CHN2: variants seen among roughly 807,000 people sequenced by gnomAD.
CHN2 encodes chimerin 2.
A neutral mutation model predicts 56.3 loss-of-function variants in CHN2; 35 were observed. That is an observed-to-expected ratio of 0.62 (90% CI 0.47 to 0.82). CHN2 has a LOEUF of 0.82. Among genes scored for constraint, CHN2 ranks in the 40% least tolerant of loss-of-function variants. The pLI, the probability that CHN2 is intolerant of heterozygous loss-of-function variation, is 0.00. For missense variants in CHN2, 491 were observed against 580.5 expected, an observed-to-expected ratio of 0.85 and a Z score of 1.58; for synonymous variants, 210 against 212.8, an observed-to-expected ratio of 0.99 and a Z score of 0.12.
intron 2 of CHN2, among the ~76,000 whole-genome samples, chr7:29,155,839 G>A (rs10256795): frequency 0.34 from 50,977 of 151,832 alleles, 8,802 homozygotes; most frequent in Non-Finnish European, 0.38. Flanking sequence ...CTGGAAAGGC[G>A]AGGACATTTC....
intron 1 of CHN2, among the ~76,000 whole-genome samples, chr7:29,284,510 A>C (rs538077123): frequency 1.1e-4 from 16 of 152,352 alleles, no homozygotes; most frequent in Middle Eastern, 6.8e-3. Flanking sequence ...GCCTATGGGA[A>C]GGGGCCACGT....
chr7:29,436,100 T>C (rs1038733135), intron 6 of CHN2, among the ~76,000 whole-genome samples: 3 of 152,070 alleles, frequency 2.0e-5, no homozygotes, highest in Non-Finnish European at 4.4e-5. Context: ...ACGCCTCAAG[T>C]TGGAGACCAT....
intron 1 of CHN2, among the ~76,000 whole-genome samples, chr7:29,210,391 A>G (rs17756941): frequency 0.24 from 35,686 of 151,842 alleles, 4,386 homozygotes; most frequent in Non-Finnish European, 0.27. Flanking sequence ...CTACACTATG[A>G]AACCCAGCAC....
At chr7:29,308,097 T>A (rs1794307986) in intron 1 of CHN2, among the ~76,000 whole-genome samples, 1 of 152,184 alleles carries the variant, frequency 6.6e-6, no homozygotes, top group Non-Finnish European at 1.5e-5. Context: ...GTTGGAAAAG[T>A]ATGGAGAATG....
Position 29,367,920 on chromosome 7 carries a change from CT to C in CHN2, c.89-6del. On this transcript the variant is annotated splice_polypyrimidine_tract_variant and intron_variant, in intron 2 of 12. Coordinates refer to ENST00000222792, the MANE Select transcript of CHN2 (RefSeq NM_004067.4). The stretch of plus-strand genomic sequence containing the variant: ...TAATTATTTCTCTCTCTCTCTCTCT[CT>C]TTTTTGGCAGTATATCAGTTACAGC... The C allele has an allele frequency of 6.3e-7, 1 of 1,590,496 alleles. No homozygotes were observed. The highest frequency in any genetic ancestry group is 8.6e-7 in the Non-Finnish European group (1 of 1,166,496).
intron 3 of CHN2, chr7:29,380,715 A>G (rs950524402): frequency 2.2e-4 from 33 of 152,206 alleles, no homozygotes; most frequent in African/African-American, 7.0e-4. Context: ...TACTCACCCA[A>G]TCTTTTTTCC....
At chr7:29,319,489 C>A (rs1162656192) in intron 1 of CHN2, among the ~76,000 whole-genome samples, 2 of 152,154 alleles carry the variant, frequency 1.3e-5, no homozygotes, top group Non-Finnish European at 2.9e-5. Flanking sequence ...TGGAGCCAGG[C>A]ATGGTGCATG....
intron 8 of CHN2, among the ~76,000 whole-genome samples, chr7:29,496,735 A>G (rs1405340352): frequency 6.6e-6 from 1 of 152,226 alleles, no homozygotes; most frequent in Admixed American, 6.5e-5. Flanking sequence ...GTATACACCT[A>G]TTGCTAACAG....
chr7:29,487,205 T>C (rs6972754), intron 7 of CHN2, among the ~76,000 whole-genome samples: 32,471 of 133,602 alleles, frequency 0.24, 3,961 homozygotes, highest in African/African-American at 0.36. Flanking sequence ...GGGCTTGTTT[T>C]GTTTTTTTTT....
chr7:29,179,513 G>C lies in CHN2; in HGVS notation c.274+32553G>C, dbSNP rs75009971. ...CAGACTCAACACAAATTCTTCAGGA[G>C]TGAGAAGGAAAGATTCTGATACTTG... On this transcript the variant is annotated intron_variant, in intron 2 of 6. Transcript: ENST00000439384. Among the ~76,000 whole-genome samples the C allele has an allele frequency of 7.0e-4, 106 of 152,324 alleles. 2 individuals are homozygous for C. The East Asian group carries it at 0.011, about 16-fold the overall frequency.
At chr7:29,252,584 T>TTTTTTTTGTTTTGTTTTG (rs1554378160) in intron 1 of CHN2, among the ~76,000 whole-genome samples, 277 of 22,404 alleles carry the variant, frequency 0.012, 24 homozygotes, top group Admixed American at 0.021. Context: ...CTTTGTTTTT[T>TTTTTTTTGTTTTGTTTTG]TTTTTTTTTT....
chr7:29,348,183 G>A (rs555491377), intron 1 of CHN2, among the ~76,000 whole-genome samples: 3 of 152,234 alleles, frequency 2.0e-5, no homozygotes, highest in Admixed American at 6.5e-5. Flanking sequence ...CTATTGCCCC[G>A]ATTGTTCCCT....
upstream of CHN2, among the ~76,000 whole-genome samples, chr7:29,190,031 T>C (rs1162658609): frequency 6.6e-6 from 1 of 152,248 alleles, no homozygotes; most frequent in Non-Finnish European, 1.5e-5. Context: ...TGCCTGCTCA[T>C]TAACCCATCC....
intron 4 of CHN2, among the ~76,000 whole-genome samples, chr7:29,396,310 T>G (rs749804812): frequency 4.6e-5 from 7 of 151,406 alleles, no homozygotes; most frequent in Non-Finnish European, 8.8e-5. Flanking sequence ...ACAAAAAATT[T>G]GCCGGGCATG....
intron 6 of CHN2, among the ~76,000 whole-genome samples, chr7:29,476,601 A>G (rs1018581056): frequency 6.6e-6 from 1 of 152,104 alleles, no homozygotes; most frequent in Non-Finnish European, 1.5e-5. Flanking sequence ...AGCGCTGAGT[A>G]TAACACTTGG....
At chr7:29,149,830 C>T (rs1793345935) in intron 2 of CHN2, among the ~76,000 whole-genome samples, 1 of 152,146 alleles carries the variant, frequency 6.6e-6, no homozygotes, top group Admixed American at 6.5e-5. Context: ...AGTGTCTCCC[C>T]TCCATGTGTC....
intron 1 of CHN2, among the ~76,000 whole-genome samples, chr7:29,350,876 G>A (rs964208126): frequency 5.9e-5 from 9 of 152,102 alleles, no homozygotes; most frequent in South Asian, 2.1e-4. Flanking sequence ...TTGGGAGGCC[G>A]AGGTGGGTGA....
chr7:29,425,740 AAATT>A (rs1477021623), intron 6 of CHN2, among the ~76,000 whole-genome samples: 1 of 152,152 alleles, frequency 6.6e-6, no homozygotes. Flanking sequence ...ATATAAAAAT[AAATT>A]ATTATATTGA....
At chr7:29,485,651 G>A (rs2270312) in intron 7 of CHN2, among the ~76,000 whole-genome samples, 102,521 of 152,090 alleles carry the variant, frequency 0.67, 35,107 homozygotes, top group African/African-American at 0.8. Context: ...ACAGGAGTGA[G>A]AACTTGGAGT....
Sources: allele counts gnomAD v4.1 joint callset (sites outside exome capture counted in the v4.1 genomes callset), GRCh38; gene constraint gnomAD v4.1.1; transcripts MANE v1.5; gene names NCBI Gene and HGNC (gene_info 2026-07-23, HGNC 2026-07-21).